The following THRAP3 variants were observed in gnomAD, a reference collection of about 807,000 sequenced individuals.
THRAP3 encodes the protein thyroid hormone receptor associated protein 3.
In THRAP3, 16 loss-of-function variants were observed where a neutral mutation model predicts 101.0. The ratio of observed to expected loss-of-function variants is 0.16; its 90% CI spans 0.11 to 0.24. The LOEUF is 0.24. THRAP3 is among the 10% of genes least tolerant of loss of function. The pLI is 1.00. For synonymous variants in THRAP3, 407 were observed against 422.6 expected (o/e 0.96, Z 0.45); for missense variants, 989 against 1,202.7 (o/e 0.82, Z 2.63).
At chr1:36,236,226 A>G (rs1305708370) in intron 1 of THRAP3, among the ~76,000 whole-genome samples, 1 of 129,504 alleles carries the variant, frequency 7.7e-6, no homozygotes, top group Middle Eastern at 3.4e-3. Context: ...TCTCAAAAGA[A>G]AAAAAAAAAA....
At chr1:36,302,924 G>C (rs1646048414) in intron 11 of THRAP3, among the ~76,000 whole-genome samples, 1 of 152,126 alleles carries the variant, frequency 6.6e-6, no homozygotes, top group Non-Finnish European at 1.5e-5. Flanking sequence ...AAACAGGGGA[G>C]ATACAAAATG....
At chr1:36,241,428 T>TATATATATATACAC (rs1287287207) in intron 1 of THRAP3, among the ~76,000 whole-genome samples, 1 of 137,860 alleles carries the variant, frequency 7.3e-6, no homozygotes, top group African/African-American at 2.9e-5. Context: ...TATATATATA[T>TATATATATATACAC]ACACATATAT....
chr1:36,214,531 C>A, the THRAP3 span, among the ~76,000 whole-genome samples: 4 of 152,232 alleles, frequency 2.6e-5, no homozygotes, highest in Non-Finnish European at 2.9e-5. Flanking sequence ...TTGCCCTAAT[C>A]CGTTCTCACA....
At chr1:36,298,666 A>G (rs1645985326) in intron 9 of THRAP3, among the ~76,000 whole-genome samples, 1 of 151,986 alleles carries the variant, frequency 6.6e-6, no homozygotes, top group Non-Finnish European at 1.5e-5. Context: ...TGCCCGGCTA[A>G]TTTTTAAAAA....
the THRAP3 span, among the ~76,000 whole-genome samples, chr1:36,210,987 G>T: frequency 5.3e-5 from 8 of 150,688 alleles, 1 homozygote; most frequent in Admixed American, 4.7e-4. Context: ...CGAGGAGGGA[G>T]GATTGCTTGA....
upstream of THRAP3, among the ~76,000 whole-genome samples, chr1:36,221,797 G>T (rs1448320552): frequency 1.3e-5 from 2 of 150,934 alleles, no homozygotes; most frequent in Non-Finnish European, 1.5e-5. Context: ...TGTTGGTCAG[G>T]CTGGTCTTGA....
At chr1:36,215,576 C>G in the THRAP3 span, among the ~76,000 whole-genome samples, 1 of 152,172 alleles carries the variant, frequency 6.6e-6, no homozygotes, top group African/African-American at 2.4e-5. Flanking sequence ...TATACCAAGT[C>G]AGCAAGCCTT....
chr1:36,289,642 C>G lies in THRAP3; in HGVS notation c.1623C>G (p.Thr541=). The part of the protein sequence containing the change: ...EKSSSPPPRK[T]SESRDKLGAK... ...GCTCATCACCTCCCCCAAGAAAGACCTCTGAGAGCCGAGACAAGCTGGGAG... is the reference window on the plus strand; with the variant it reads ...GCTCATCACCTCCCCCAAGAAAGACGTCTGAGAGCCGAGACAAGCTGGGAG... Residue 541 remains threonine, a synonymous_variant, in exon 5 of 12, where the codon ACC becomes ACG. Coordinates refer to ENST00000354618, the MANE Select transcript of THRAP3 (RefSeq NM_005119.4). 1.9e-6 allele frequency: 3 copies of G among 1,614,174 alleles called. No homozygotes were observed. Among genetic ancestry groups the G allele is most frequent in the African/African-American group, 1.3e-5 (1 of 75,048 alleles).
intron 2 of THRAP3, among the ~76,000 whole-genome samples, chr1:36,269,395 G>A (rs1645560069): frequency 6.6e-6 from 1 of 152,076 alleles, no homozygotes; most frequent in African/African-American, 2.4e-5. Context: ...TTTTCTCAGT[G>A]GTTATGAAGT....
chr1:36,279,551 A>G (rs1011735916), intron 2 of THRAP3, among the ~76,000 whole-genome samples: 1 of 152,250 alleles, frequency 6.6e-6, no homozygotes, highest in Non-Finnish European at 1.5e-5. Flanking sequence ...ACTGCCAAAA[A>G]TAGCTCCAAA....
intron 2 of THRAP3, among the ~76,000 whole-genome samples, chr1:36,278,010 G>C (rs908209875): frequency 4.6e-5 from 7 of 150,582 alleles, no homozygotes; most frequent in Admixed American, 3.3e-4. Flanking sequence ...TGATCCACCT[G>C]CCTTGGCCTC....
rs552061930 is a variant in THRAP3, at chr1:36,259,493, A to G, written c.-32+9A>G. 56 of 398,522 alleles carry G rather than the reference A, an allele frequency of 1.4e-4. No homozygotes were observed. The highest frequency in any genetic ancestry group is 2.3e-4 in the Non-Finnish European group (52 of 226,068). The allele number at this position is 398,522 out of a possible 1,614,324, so 24.7% of individuals were successfully genotyped here. A position where few individuals can be genotyped will look rare whatever the true frequency, so the allele number is the denominator to read the frequency against. On this transcript the variant is annotated intron_variant, in intron 2 of 11. Coordinates refer to ENST00000354618, the MANE Select transcript of THRAP3 (RefSeq NM_005119.4). ...ATCATTGTTCAAATAAGGTAAAAGC[A>G]TGGTGGTAAAAGAAACTAATAACTT...
At chr1:36,293,159 C>T (rs1645900016) in intron 7 of THRAP3, among the ~76,000 whole-genome samples, 1 of 150,572 alleles carries the variant, frequency 6.6e-6, no homozygotes, top group Non-Finnish European at 1.5e-5. Flanking sequence ...CTCCCAAGTA[C>T]CTGGGATTAC....
At chr1:36,282,458 T>G in intron 2 of THRAP3, 75 bp from the exon 3 acceptor site, 1 of 1,109,810 alleles carries the variant, frequency 9.0e-7, no homozygotes, top group Non-Finnish European at 1.3e-6. Flanking sequence ...AAGAAATGTG[T>G]TTCTAAAATG....
At chr1:36,223,603 C>G (rs946082049), upstream of THRAP3, among the ~76,000 whole-genome samples, 4 of 152,170 alleles carry the variant, frequency 2.6e-5, no homozygotes, top group African/African-American at 9.7e-5. Context: ...CCAGCCTGTG[C>G]AAAACTGATA....
intron 1 of THRAP3, among the ~76,000 whole-genome samples, chr1:36,239,992 C>A (rs561507296): frequency 6.6e-6 from 1 of 152,214 alleles, no homozygotes; most frequent in East Asian, 1.9e-4. Context: ...GTTGACTTCA[C>A]GTAAAGGCAT....
intron 1 of THRAP3, among the ~76,000 whole-genome samples, chr1:36,243,799 C>T (rs566484786): frequency 0.44 from 863 of 1,962 alleles, 17 homozygotes; most frequent in South Asian, 0.5. Context: ...CCTCACCTCC[C>T]GGACGGGCGG....
intron 2 of THRAP3, among the ~76,000 whole-genome samples, chr1:36,276,525 A>C (rs1645663006): frequency 5.0e-4 from 2 of 4,030 alleles, no homozygotes; most frequent in Non-Finnish European, 1.2e-3. Context: ...CTCTGTCTCA[A>C]AAAAAAAAAA....
chr1:36,304,185 C>T lies in THRAP3; in HGVS notation c.*168C>T. 9.1e-7 allele frequency: 1 copy of T among 1,095,250 alleles called. No homozygotes were observed. The highest frequency in any genetic ancestry group is 1.2e-6 in the Non-Finnish European group (1 of 804,414). The allele number at this position is 1,095,250 out of a possible 1,614,324, so 67.8% of individuals were successfully genotyped here. A position where few individuals can be genotyped will look rare whatever the true frequency, so the allele number is the denominator to read the frequency against. ...GAGGCATCCCTGGCGCTGTCTCCCA[C>T]TGGACAGAGGAGGCTGGCCATGGGG... On this transcript the variant is annotated 3_prime_UTR_variant, in exon 12 of 12. Transcript: ENST00000354618.
Sources: gnomAD v4.1 joint callset for allele counts (sites outside exome capture counted in the v4.1 genomes callset) on GRCh38, gnomAD v4.1.1 for gene constraint, MANE v1.5 for transcripts, NCBI Gene and HGNC (gene_info 2026-07-23, HGNC 2026-07-21) for gene names.